The following HECW1 variants were observed in gnomAD, a reference collection of about 807,000 sequenced individuals.
HECW1 encodes the protein E3 ubiquitin-protein ligase HECW1.
HECW1 carries 61 observed loss-of-function variants against 182.3 expected under a neutral mutation model. That is an observed-to-expected ratio of 0.33 (90% confidence interval 0.27 to 0.41). The LOEUF (loss-of-function observed/expected upper bound fraction) is 0.41, where lower values mean the gene tolerates loss of function less well. Ranked by LOEUF, HECW1 falls within the 10% of genes least tolerant of loss-of-function variation. The probability of loss-of-function intolerance (pLI) is 1.00; values close to 1 mark genes in which losing one functional copy is unlikely to be tolerated. For synonymous variants in HECW1, 859 were observed against 832.6 expected, an observed-to-expected ratio of 1.03 and a Z score of -0.55; for missense variants, 1,739 against 2,108.9, an observed-to-expected ratio of 0.82 and a Z score of 3.44.
rs756646471 is a variant in HECW1, at chr7:43,312,098, T to C, written c.352+11T>C. 2 of 1,601,588 alleles carry C rather than the reference T, an allele frequency of 1.2e-6. No homozygotes were observed. Among genetic ancestry groups the C allele is most frequent in the Non-Finnish European group, 1.7e-6 (2 of 1,169,262 alleles). ...GCATGTACCTCATTGGTGAGTAGAA[T>C]GTGCCAAGTGTATTATTCATAATTC... On this transcript the variant is annotated intron_variant, in intron 4 of 29. Coordinates refer to ENST00000395891, the MANE Select transcript of HECW1 (RefSeq NM_015052.5).
chr7:43,122,169 C>T (rs1487670597), intron 2 of HECW1: 7 of 152,226 alleles, frequency 4.6e-5, no homozygotes, highest in Non-Finnish European at 1.0e-4. Context: ...TTCTAATACC[C>T]TTGTTCTATA....
intron 2 of HECW1, among the ~76,000 whole-genome samples, chr7:43,115,977 G>T (rs1463421042): frequency 6.6e-6 from 1 of 152,094 alleles, no homozygotes; most frequent in Non-Finnish European, 1.5e-5. Flanking sequence ...CAGTTTGCCT[G>T]GTACATCATG....
chr7:43,460,559 C>CGTGTGT (rs142785518), intron 13 of HECW1, among the ~76,000 whole-genome samples: 24 of 149,990 alleles, frequency 1.6e-4, no homozygotes, highest in African/African-American at 5.9e-4. Flanking sequence ...TGCGTGTGTG[C>CGTGTGT]GTGTGTGTGT....
At chr7:43,427,687 C>T (rs540037256) in intron 8 of HECW1, among the ~76,000 whole-genome samples, 6 of 152,268 alleles carry the variant, frequency 3.9e-5, no homozygotes, top group East Asian at 1.9e-4. Context: ...GGATCTCAGA[C>T]GCTGAAACCA....
At chr7:43,495,011 G>A (rs2079063499) in intron 19 of HECW1, among the ~76,000 whole-genome samples, 1 of 152,112 alleles carries the variant, frequency 6.6e-6, no homozygotes, top group Non-Finnish European at 1.5e-5. Context: ...CAGATCAAAA[G>A]CAAAACTTCA....
Position 43,479,623 on chromosome 7 carries a change from A to G in HECW1, c.3113A>G (p.Asp1038Gly). 1 of 1,613,932 alleles carries G rather than the reference A, an allele frequency of 6.2e-7. No individual in the cohort carries two copies. The highest frequency in any genetic ancestry group is 8.5e-7 in the Non-Finnish European group (1 of 1,179,974). ...GTCTGTTCGCAGTCTTTTTTCGTGG[A>G]CCACAACAGTCGAGCTACCACTTTC... is the stretch of plus-strand genomic sequence containing the variant. Reference protein sequence around the residue: ...TDQQGKSFFVDHNSRATTFID... With the variant: ...TDQQGKSFFVGHNSRATTFID... The change falls in exon 17 of 30, where the codon GAC becomes GGC. Residue 1038 changes from aspartate (D) to glycine (G), a missense_variant. Physicochemically the swap from Asp to Gly is moderately conservative, Grantham distance 94. This residue lies in a region of HECW1 where 971 missense variants were observed against 1,029.1 expected (regional missense o/e 0.94). Transcript: ENST00000395891.
intron 2 of HECW1, among the ~76,000 whole-genome samples, chr7:43,198,045 C>T (rs1055958124): frequency 6.6e-6 from 1 of 151,592 alleles, no homozygotes; most frequent in East Asian, 1.9e-4. Flanking sequence ...CATACACACA[C>T]CATAGTCACA....
intron 2 of HECW1, among the ~76,000 whole-genome samples, chr7:43,202,869 A>G (rs1289025234): frequency 6.6e-6 from 1 of 152,228 alleles, no homozygotes; most frequent in East Asian, 1.9e-4. Context: ...CTCCTGGCTC[A>G]GAAGCTCCCC....
At position 43,508,108 on chromosome 7, in the gene HECW1, C is replaced by T. The variant is rs575759549; in HGVS notation, c.3843C>T (p.Tyr1281=). Residue 1281 remains tyrosine (Y), a synonymous_variant, in exon 23 of 30, where the codon TAC becomes TAT. Transcript: ENST00000395891. ...SRKELQRNKL[Y]VTFVGEEGLD... Reference sequence around the variant, plus strand: ...AAGAGCTCCAGCGAAACAAGCTCTACGTCACCTTTGTTGGAGAGGAGGGGT... The same window carrying T: ...AAGAGCTCCAGCGAAACAAGCTCTATGTCACCTTTGTTGGAGAGGAGGGGT... 9.9e-6 allele frequency: 16 copies of T among 1,613,636 alleles called. No homozygotes were observed. Among genetic ancestry groups the T allele is most frequent in the South Asian group, 8.8e-5 (8 of 91,066 alleles).
At position 43,500,718 on chromosome 7, in the gene HECW1, C is replaced by T. The variant is rs748678471; in HGVS notation, c.3457C>T (p.Arg1153Trp). The T allele has an allele frequency of 4.2e-5, 67 of 1,613,554 alleles. No individual in the cohort carries two copies. Among genetic ancestry groups the T allele is most frequent in the Non-Finnish European group, 5.5e-5 (65 of 1,179,614 alleles). The change falls in exon 20 of 30, where the codon CGG (arginine) becomes TGG (tryptophan). Residue 1153 changes from arginine to tryptophan, a missense_variant. Transcript: ENST00000395891. ...HTLREKIHYI[R>W]TEGNHGLEKL... is the part of the protein sequence containing the mutation. ...ATTCAGGGAGAAAATCCATTACATT[C>T]GGACTGAGGGTAATCACGGGCTTGA...
At chr7:43,397,644 G>A (rs1248874887) in intron 7 of HECW1, among the ~76,000 whole-genome samples, 2 of 152,194 alleles carry the variant, frequency 1.3e-5, no homozygotes, top group African/African-American at 4.8e-5. Context: ...ATATTACAAA[G>A]TACCTTCTTA....
intron 7 of HECW1, among the ~76,000 whole-genome samples, chr7:43,407,344 A>G (rs2075645089): frequency 1.3e-5 from 2 of 151,688 alleles, no homozygotes; most frequent in Non-Finnish European, 2.9e-5. Flanking sequence ...TTACACCCGG[A>G]CCCATCAAAT....
intron 7 of HECW1, 108 bp downstream of exon 7, chr7:43,396,997 T>G: frequency 1.2e-6 from 1 of 803,526 alleles, no homozygotes; most frequent in Non-Finnish European, 2.1e-6. Context: ...AACCTCTCTG[T>G]GCCTCAATTT....
chr7:43,172,660 A>G (rs747720790), intron 2 of HECW1, among the ~76,000 whole-genome samples: 1 of 152,216 alleles, frequency 6.6e-6, no homozygotes, highest in Non-Finnish European at 1.5e-5. Flanking sequence ...TTTCTGCCCT[A>G]TGTCCCTTCC....
intron 17 of HECW1, 139 bp from the exon 18 acceptor site, chr7:43,491,936 C>T: frequency 1.6e-6 from 1 of 633,496 alleles, no homozygotes; most frequent in East Asian, 2.8e-5. Flanking sequence ...CTTTTGTAAG[C>T]TTTCTTTTCC....
At chr7:43,264,801 A>G (rs181630323) in intron 3 of HECW1, among the ~76,000 whole-genome samples, 3,014 of 148,834 alleles carry the variant, frequency 0.02, 56 homozygotes, top group Non-Finnish European at 0.025. Flanking sequence ...CCGAGATCGC[A>G]CCACTGCACT....
At chr7:43,261,844 TTTTG>T (rs1456764735) in intron 3 of HECW1, among the ~76,000 whole-genome samples, 2 of 152,076 alleles carry the variant, frequency 1.3e-5, no homozygotes, top group Non-Finnish European at 2.9e-5. Flanking sequence ...TTTTGCTTTG[TTTTG>T]TTTTTTATTT....
chr7:43,215,848 G>A (rs1166569138), intron 2 of HECW1, among the ~76,000 whole-genome samples: 1 of 152,206 alleles, frequency 6.6e-6, no homozygotes, highest in Non-Finnish European at 1.5e-5. Context: ...AACATCCTCT[G>A]CCATGTCTGT....
chr7:43,143,351 A>T (rs1788369712), intron 2 of HECW1, among the ~76,000 whole-genome samples: 1 of 152,094 alleles, frequency 6.6e-6, no homozygotes, highest in Non-Finnish European at 1.5e-5. Context: ...GGGCTTGATC[A>T]CAGCTAACTG....
Sources: gnomAD v4.1 joint callset for allele counts (sites outside exome capture counted in the v4.1 genomes callset) on GRCh38, gnomAD v4.1.1 for gene constraint, gnomAD v4.1.1 regional missense constraint, MANE v1.5 for transcripts, NCBI Gene and HGNC (gene_info 2026-07-23, HGNC 2026-07-21) for gene names.